The following SORCS2 variants were observed in gnomAD, a reference collection of about 807,000 sequenced individuals.
SORCS2 encodes VPS10 domain-containing receptor SorCS2.
Under a neutral mutation model 141.6 loss-of-function variants are expected in SORCS2, and 100 were observed. The ratio of observed to expected loss-of-function variants is 0.71; its 90% CI spans 0.60 to 0.83. The LOEUF is 0.83. Among genes scored for constraint, SORCS2 ranks in the 40% least tolerant of loss-of-function variants. SORCS2 has a pLI of 0.00. For synonymous variants in SORCS2, 789 were observed against 676.9 expected (o/e 1.17, Z -2.57); for missense variants, 1,646 against 1,560.2 (o/e 1.05, Z -0.93).
chr4:7,592,508 C>T (rs935679902), intron 3 of SORCS2, among the ~76,000 whole-genome samples: 1 of 152,224 alleles, frequency 6.6e-6, no homozygotes, highest in African/African-American at 2.4e-5. Flanking sequence ...AAGGCATGGC[C>T]ATGTGACTAG....
intron 2 of SORCS2, among the ~76,000 whole-genome samples, chr4:7,491,069 C>G (rs1220116730): frequency 2.6e-5 from 4 of 152,210 alleles, no homozygotes; most frequent in Non-Finnish European, 5.9e-5. Flanking sequence ...TTTGCCTTCC[C>G]TTGGGACATA....
chr4:7,253,310 G>A (rs1174746017), intron 1 of SORCS2, among the ~76,000 whole-genome samples: 1 of 152,216 alleles, frequency 6.6e-6, no homozygotes, highest in Non-Finnish European at 1.5e-5. Context: ...TGGGGTCCAG[G>A]GCCCCAAGGC....
chr4:7,553,799 C>T (rs775292809), intron 3 of SORCS2, among the ~76,000 whole-genome samples: 4 of 152,116 alleles, frequency 2.6e-5, no homozygotes, highest in Non-Finnish European at 5.9e-5. Flanking sequence ...GACTGATATT[C>T]GGGAAGGGGA....
chr4:7,502,486 C>T (rs1287086833), intron 2 of SORCS2, among the ~76,000 whole-genome samples: 1 of 152,166 alleles, frequency 6.6e-6, no homozygotes, highest in Non-Finnish European at 1.5e-5. Context: ...CTGGTCAGAG[C>T]GGCTACTACC....
At chr4:7,641,135 G>C (rs140680240) in intron 4 of SORCS2, among the ~76,000 whole-genome samples, 81 of 152,288 alleles carry the variant, frequency 5.3e-4, no homozygotes, top group African/African-American at 1.9e-3. Flanking sequence ...CCATATTCCT[G>C]TGCCTCTCTT....
Position 7,638,439 on chromosome 4 carries a change from A to C in SORCS2, c.760A>C (p.Ile254Leu), listed in dbSNP as rs752754173. The C allele has an allele frequency of 6.2e-7, 1 of 1,608,794 alleles. No individual in the cohort carries two copies. The highest frequency in any genetic ancestry group is 1.3e-5 in the African/African-American group (1 of 74,422). Residue 254 changes from isoleucine to leucine, a missense_variant, in exon 4 of 27, where the codon ATT (isoleucine) becomes CTT (leucine). Ile to Leu is a conservative substitution (Grantham distance 5). Transcript: ENST00000507866. ...QPIPFFVETL[I>L]FHPKEEDKVL... ...CATTCCCTTCTTCGTGGAAACTCTG[A>C]TTTTCCACCCTAAGGAGGAGGACAA...
In SORCS2 at chr4:7,434,729, C is replaced by T. The variant is rs776371001; in HGVS notation, c.548+38374C>T. 12 of 1,613,012 alleles carry T rather than the reference C, an allele frequency of 7.4e-6. No homozygotes were observed. In the South Asian group the frequency reaches 1.2e-4, roughly 16 times the overall value. On this transcript the variant is annotated intron_variant, in intron 2 of 26. Coordinates refer to ENST00000507866, the MANE Select transcript of SORCS2 (RefSeq NM_020777.3). ...GCGGTGGGTTTGTTCCATACGGCCC[C>T]TTGGCAGTACCCCACAGCCCCGCAC...
intron 3 of SORCS2, among the ~76,000 whole-genome samples, chr4:7,533,117 T>C (rs908210659): frequency 1.3e-5 from 2 of 152,068 alleles, no homozygotes; most frequent in Non-Finnish European, 2.9e-5. Context: ...GGGCAGGACA[T>C]TGGACGAGAG....
In SORCS2 at chr4:7,620,593, C is replaced by T. The variant is rs147558608; in HGVS notation, c.649-17735C>T. On this transcript the variant is annotated intron_variant, in intron 3 of 26. Transcript: ENST00000507866. Reference sequence around the variant, plus strand: ...CCAACAAAAACAGTAGCAGGATGTGCGGCAGCCACAATGCCAGGCTCCAGG... The same window carrying T: ...CCAACAAAAACAGTAGCAGGATGTGTGGCAGCCACAATGCCAGGCTCCAGG... Among the ~76,000 whole-genome samples, 126 of 152,332 alleles carry T rather than the reference C, an allele frequency of 8.3e-4. No individual in the cohort carries two copies. The East Asian group carries it at 0.02, about 24-fold the overall frequency.
At chr4:7,214,428 G>A (rs1248382749) in intron 1 of SORCS2, among the ~76,000 whole-genome samples, 1 of 152,136 alleles carries the variant, frequency 6.6e-6, no homozygotes, top group Non-Finnish European at 1.5e-5. Context: ...TGCCAGTGCT[G>A]TGCTCTTGGA....
intron 1 of SORCS2, among the ~76,000 whole-genome samples, chr4:7,352,180 G>C (rs1166955575): frequency 6.6e-6 from 1 of 152,222 alleles, no homozygotes; most frequent in Non-Finnish European, 1.5e-5. Flanking sequence ...AAATTGTGAA[G>C]TGTTCTCTGC....
chr4:7,685,837 A>G (rs1034429012), intron 10 of SORCS2, among the ~76,000 whole-genome samples: 1 of 152,182 alleles, frequency 6.6e-6, no homozygotes, highest in Non-Finnish European at 1.5e-5. Flanking sequence ...GCAGCCACAC[A>G]GCCTCTCAAT....
chr4:7,297,067 C>T (rs932448631), intron 1 of SORCS2, among the ~76,000 whole-genome samples: 37 of 150,220 alleles, frequency 2.5e-4, no homozygotes, highest in African/African-American at 8.0e-4. Flanking sequence ...ACTCAGTTGA[C>T]CTCTCTCCTC....
chr4:7,426,829 C>T (rs866857105), intron 2 of SORCS2, among the ~76,000 whole-genome samples: 3 of 152,172 alleles, frequency 2.0e-5, no homozygotes, highest in Non-Finnish European at 4.4e-5. Context: ...CAGTGAAGCC[C>T]GTGTTTCTCT....
chr4:7,614,522 C>A (rs1173934884), intron 3 of SORCS2, among the ~76,000 whole-genome samples: 1 of 150,784 alleles, frequency 6.6e-6, no homozygotes, highest in Non-Finnish European at 1.5e-5. Flanking sequence ...TCTATTCATC[C>A]ACTCTTCCAC....
chr4:7,601,312 AT>A (rs35696538), intron 3 of SORCS2, among the ~76,000 whole-genome samples: 33,242 of 148,508 alleles, frequency 0.22, 4,457 homozygotes, highest in Non-Finnish European at 0.31. Context: ...ATTAAACCTC[AT>A]TTTTTTTTTT....
chr4:7,320,777 C>T (rs1718847282), intron 1 of SORCS2, among the ~76,000 whole-genome samples: 1 of 152,134 alleles, frequency 6.6e-6, no homozygotes, highest in Non-Finnish European at 1.5e-5. Context: ...ATTGGAGAGC[C>T]AGGATGCTCC....
chr4:7,507,213 T>A (rs1577672305), intron 2 of SORCS2, among the ~76,000 whole-genome samples: 1 of 151,608 alleles, frequency 6.6e-6, no homozygotes, highest in Non-Finnish European at 1.5e-5. Context: ...TCTTGCTCTG[T>A]GGCCAGGCTG....
chr4:7,358,083 C>T (rs530460946), intron 1 of SORCS2, among the ~76,000 whole-genome samples: 2 of 152,298 alleles, frequency 1.3e-5, no homozygotes, highest in African/African-American at 2.4e-5. Context: ...GAAAATAATA[C>T]ATCTGGTCTC....
Sources: allele counts gnomAD v4.1 joint callset (sites outside exome capture counted in the v4.1 genomes callset), GRCh38; gene constraint gnomAD v4.1.1; transcripts MANE v1.5; gene names NCBI Gene and HGNC (gene_info 2026-07-23, HGNC 2026-07-21).